The following VWA8 variants were observed in gnomAD, a reference collection of about 807,000 sequenced individuals.
VWA8 encodes the protein von Willebrand factor A domain-containing protein 8.
A neutral mutation model predicts 241.5 loss-of-function variants in VWA8; 221 were observed. The ratio of observed to expected loss-of-function variants is 0.91; its 90% CI spans 0.82 to 1.02. VWA8 has a LOEUF of 1.02. Ranked by LOEUF, VWA8 falls within the 50% of genes least tolerant of loss-of-function variation. The pLI is 0.00. For missense variants in VWA8, 2,322 were observed against 2,328.7 expected (o/e 1.00, Z 0.06); for synonymous variants, 852 against 827.1 (o/e 1.03, Z -0.52).
chr13:41,761,254 T>C (rs376001343), intron 20 of VWA8, 50 bp from the exon 21 acceptor site: 1 of 1,544,782 alleles, frequency 6.5e-7, no homozygotes, highest in African/African-American at 1.4e-5. Context: ...TTTCTGGAGA[T>C]AAGCTTATGC....
intron 5 of VWA8, 51 bp from the exon 6 acceptor site, chr13:41,887,412 A>T (rs757539594): frequency 9.0e-6 from 14 of 1,555,088 alleles, no homozygotes; most frequent in Non-Finnish European, 1.1e-5. Context: ...ACAAATCACA[A>T]CTGTAAGAGC....
At chr13:41,589,394 T>C (rs2044440062) in intron 41 of VWA8, among the ~76,000 whole-genome samples, 1 of 152,226 alleles carries the variant, frequency 6.6e-6, no homozygotes, top group African/African-American at 2.4e-5. Flanking sequence ...TTGTTTTCAC[T>C]TGAAGGTTTC....
rs1250568591 is a variant in VWA8, at chr13:41,911,979, T to C, written c.372+59A>G. The C allele has an allele frequency of 8.5e-6, 12 of 1,404,008 alleles. No individual in the cohort carries two copies. The East Asian group carries it at 2.0e-4, about 23-fold the overall frequency. The allele number at this position is 1,404,008 out of a possible 1,614,324, so 87.0% of individuals were successfully genotyped here. On this transcript the variant is annotated intron_variant, in intron 3 of 44. Transcript: ENST00000379310. ...ATTTTTTATAAATTCTTAATCTTAT[T>C]TTATTTCATAGCTTACAAAGTTAAG...
chr13:41,699,502 G>A (rs2045236432), intron 28 of VWA8, among the ~76,000 whole-genome samples: 1 of 152,082 alleles, frequency 6.6e-6, no homozygotes, highest in South Asian at 2.1e-4. Context: ...TTATCTATTT[G>A]TTCCCCAAAG....
intron 17 of VWA8, among the ~76,000 whole-genome samples, chr13:41,806,009 A>T (rs11839214): frequency 2.1e-5 from 3 of 143,720 alleles, no homozygotes; most frequent in South Asian, 2.2e-4. Context: ...AATAAAAAAA[A>T]AAAAAAAAGA....
At chr13:41,754,983 C>T (rs2045683965) in intron 21 of VWA8, among the ~76,000 whole-genome samples, 2 of 151,900 alleles carry the variant, frequency 1.3e-5, no homozygotes, top group Non-Finnish European at 2.9e-5. Flanking sequence ...GTATATATAT[C>T]ACATTTTCTT....
At chr13:41,656,772 C>T (rs1026131149) in intron 37 of VWA8, among the ~76,000 whole-genome samples, 1 of 152,134 alleles carries the variant, frequency 6.6e-6, no homozygotes, top group African/African-American at 2.4e-5. Context: ...TCCCGGACTC[C>T]AAGAAGTCCT....
In VWA8 at chr13:41,727,214, T is replaced by C. The variant is rs778370317; in HGVS notation, c.2738A>G (p.Asn913Ser). 1.9e-6 allele frequency: 3 copies of C among 1,547,496 alleles called. No homozygotes were observed. In the South Asian group the frequency reaches 3.6e-5, roughly 19 times the overall value. ...ANRPGFPFLG[N>S]DFFGTLGDIF... is the part of the protein sequence containing the mutation. ...TTTACCTAAGGTACCGAAGAAATCA[T>C]TGCCTAGGAAAGGAAATCCAGGTCT... The change falls in exon 24 of 45, where the codon AAT (asparagine) becomes AGT (serine). Residue 913 changes from asparagine (N) to serine (S), a missense_variant. Asn to Ser is a conservative substitution (Grantham distance 46). Transcript: ENST00000379310.
chr13:41,813,249 G>A (rs988605225), intron 16 of VWA8, among the ~76,000 whole-genome samples: 7 of 152,128 alleles, frequency 4.6e-5, no homozygotes, highest in Non-Finnish European at 8.8e-5. Flanking sequence ...ATGAAGGACA[G>A]AGAGAACTGA....
At position 41,949,031 on chromosome 13, in the gene VWA8, T is replaced by TA. The variant is rs35506856; in HGVS notation, c.241+904dup. Among the ~76,000 whole-genome samples the TA allele has an allele frequency of 4.9e-3, 312 of 63,402 alleles. 7 individuals carry two copies. The highest frequency in any genetic ancestry group is 0.041 in the Middle Eastern group (3 of 74). The allele number at this position is 63,402 out of a possible 152,430, so 41.6% of individuals were successfully genotyped here. On this transcript the variant is annotated intron_variant, in intron 2 of 44. Transcript: ENST00000379310. ...AACAAGCAAAACTAATCTACCATCA[T>TA]AAAAAAAAAAAAAAAAAAAAAAAAA...
intron 2 of VWA8, among the ~76,000 whole-genome samples, chr13:41,948,087 G>A (rs958538527): frequency 3.3e-5 from 5 of 152,048 alleles, no homozygotes; most frequent in African/African-American, 1.2e-4. Context: ...TGGATGCTTG[G>A]AGTGGCAATA....
intron 21 of VWA8, among the ~76,000 whole-genome samples, chr13:41,747,357 G>A (rs1055540181): frequency 6.6e-5 from 10 of 152,118 alleles, no homozygotes; most frequent in Non-Finnish European, 1.3e-4. Context: ...TCTCTTTGAA[G>A]CAACTGTGAA....
chr13:41,774,398 CTCCCA>C, intron 20 of VWA8, among the ~76,000 whole-genome samples: 1 of 152,356 alleles, frequency 6.6e-6, no homozygotes, highest in African/African-American at 2.4e-5. Context: ...TCACCTTGGC[CTCCCA>C]AAGTGCTGGG....
intron 21 of VWA8, among the ~76,000 whole-genome samples, chr13:41,735,541 G>A (rs1423975092): frequency 6.6e-6 from 1 of 152,102 alleles, no homozygotes; most frequent in African/African-American, 2.4e-5. Context: ...GGAGTAGTAT[G>A]TGAGAAAGAG....
intron 37 of VWA8, among the ~76,000 whole-genome samples, chr13:41,656,269 G>A (rs1302201421): frequency 6.6e-6 from 1 of 152,152 alleles, no homozygotes; most frequent in East Asian, 1.9e-4. Context: ...ACCTATTTAA[G>A]TTTCAGATTT....
intron 44 of VWA8, among the ~76,000 whole-genome samples, chr13:41,570,177 T>A (rs916981758): frequency 6.6e-6 from 1 of 152,188 alleles, no homozygotes; most frequent in African/African-American, 2.4e-5. Context: ...GTGCCAAATG[T>A]ATAAAATACT....
intron 40 of VWA8, among the ~76,000 whole-genome samples, chr13:41,600,544 T>TATTCAG (rs1349102486): frequency 5.3e-5 from 8 of 152,122 alleles, no homozygotes; most frequent in African/African-American, 1.9e-4. Flanking sequence ...GCTGTCCCTC[T>TATTCAG]ATTCAGATGA....
intron 21 of VWA8, among the ~76,000 whole-genome samples, chr13:41,759,673 G>C (rs2137904698): frequency 6.6e-6 from 1 of 151,546 alleles, no homozygotes; most frequent in East Asian, 1.9e-4. Context: ...CTGTTTTATA[G>C]TCCTTGTCTG....
At chr13:41,570,768 A>ATTAT (rs2044296335) in intron 43 of VWA8, 62 bp from the exon 44 acceptor site, 7 of 1,456,854 alleles carry the variant, frequency 4.8e-6, no homozygotes, top group Non-Finnish European at 6.7e-6. Context: ...AACAAATACG[A>ATTAT]TTATTTTTCT....
Sources: allele counts gnomAD v4.1 joint callset (sites outside exome capture counted in the v4.1 genomes callset), GRCh38; gene constraint gnomAD v4.1.1; transcripts MANE v1.5; gene names NCBI Gene and HGNC (gene_info 2026-07-23, HGNC 2026-07-21).